DCTD: variants seen among roughly 807,000 people sequenced by gnomAD.
The protein encoded by DCTD is deoxycytidylate deaminase.
DCTD carries 23 observed loss-of-function variants against 21.0 expected under a neutral mutation model. The observed-to-expected ratio is 1.09, with a 90% CI of 0.79 to 1.55. DCTD has a LOEUF of 1.55. Ranked by LOEUF, DCTD falls within the 40% of genes most tolerant of loss-of-function variation. DCTD has a pLI of 0.00. For missense variants in DCTD, 224 were observed against 230.0 expected (o/e 0.97, Z 0.17); for synonymous variants, 71 against 81.1 (o/e 0.88, Z 0.67).
chr4:182,891,535 A>C (rs141432641), intron 5 of DCTD, 58 bp from the exon 6 acceptor site: 1 of 1,221,170 alleles, frequency 8.2e-7, no homozygotes, highest in Non-Finnish European at 1.2e-6. Context: ...CAATTTGTTT[A>C]CTTTGGCTTA....
chr4:182,914,945 C>A lies in DCTD; in HGVS notation c.222G>T (p.Lys74Asn), dbSNP rs770313616. The A allele has an allele frequency of 6.2e-7, 1 of 1,614,096 alleles. No individual in the cohort carries two copies. The highest frequency in any genetic ancestry group is 8.5e-7 in the Non-Finnish European group (1 of 1,180,052). ...TACCGTACGGGTATTTGGTGTCCAG[C>A]TTATTCTCTGCTGTCCTTCTCCAAG... ...VLPWRRTAEN[K>N]LDTKYPYVCH... The change falls in exon 3 of 6, where the codon AAG (lysine) becomes AAT (asparagine). Residue 74 changes from lysine (K) to asparagine (N), a missense_variant. Transcript: ENST00000438320.
intron 3 of DCTD, among the ~76,000 whole-genome samples, chr4:182,900,166 C>T (rs760402227): frequency 6.6e-6 from 1 of 152,062 alleles, no homozygotes; most frequent in Non-Finnish European, 1.5e-5. Context: ...AATAAAAAAA[C>T]TTAGCCAGGT....
At chr4:182,894,725 T>C (rs1397756023) in intron 3 of DCTD, 120 bp from the exon 4 acceptor site, 1 of 725,396 alleles carries the variant, frequency 1.4e-6, no homozygotes, top group South Asian at 1.6e-5. Flanking sequence ...AGTAAAAACA[T>C]TGATTAGAAA....
rs532830046 is a variant in DCTD at position 182,894,677 on chromosome 4, T to C, written c.245-72A>G. 6 of 881,822 alleles carry C rather than the reference T, an allele frequency of 6.8e-6. No individual in the cohort carries two copies. The Admixed American group carries it at 8.6e-5, about 13-fold the overall frequency. 54.6% of individuals were successfully genotyped at this position (881,822 alleles called of 1,614,324 possible). A position where few individuals can be genotyped will look rare whatever the true frequency, so the allele number is the denominator to read the frequency against. On this transcript the variant is annotated intron_variant, in intron 3 of 5. Transcript: ENST00000438320. Reference sequence around the variant, plus strand: ...GAAGAATTTACTAAGTGTTAACACATTCCATTCCCCCCTCTGAAATAACAT... The same window carrying C: ...GAAGAATTTACTAAGTGTTAACACACTCCATTCCCCCCTCTGAAATAACAT...
intron 1 of DCTD, chr4:182,916,191 G>A (rs1738693430): frequency 1.6e-5 from 3 of 181,840 alleles, no homozygotes; most frequent in Non-Finnish European, 3.1e-5. Context: ...AGATGGGACA[G>A]AAGTTATCAA....
chr4:182,915,852 G>C, intron 1 of DCTD: 1 of 1,171,418 alleles, frequency 8.5e-7, no homozygotes, highest in Non-Finnish European at 1.1e-6. Flanking sequence ...GATTTTTTAT[G>C]CCAGCCTACA....
rs141480973 is a variant in DCTD, at chr4:182,903,297, C to T, written c.245-8692G>A. On this transcript the variant is annotated intron_variant, in intron 3 of 5. Transcript: ENST00000438320. ...TCTGCCTCCCCGATCACGCTGCACC[C>T]GACAGCCTACCTGTCCTTGGCATCC... Among the ~76,000 whole-genome samples, 724 of 152,278 alleles carry T rather than the reference C, an allele frequency of 4.8e-3. 3 individuals carry two copies. Among genetic ancestry groups the T allele is most frequent in the African/African-American group, 0.016 (660 of 41,542 alleles).
chr4:182,892,497 CA>C (rs200868118), intron 5 of DCTD, among the ~76,000 whole-genome samples: 1 of 151,968 alleles, frequency 6.6e-6, no homozygotes, highest in Non-Finnish European at 1.5e-5. Flanking sequence ...ACTGAAAGTA[CA>C]AAAAAATTAG....
chr4:182,897,583 GA>G (rs1734967207), intron 3 of DCTD, among the ~76,000 whole-genome samples: 1 of 151,892 alleles, frequency 6.6e-6, no homozygotes, highest in South Asian at 2.1e-4. Context: ...GTACACATGA[GA>G]CTCTAAAAGG....
chr4:182,903,995 G>GC (rs1369002573), intron 3 of DCTD, among the ~76,000 whole-genome samples: 1 of 152,148 alleles, frequency 6.6e-6, no homozygotes, highest in Non-Finnish European at 1.5e-5. Flanking sequence ...TCCCACGTGT[G>GC]CCCACCTGAG....
At chr4:182,915,658 C>G (rs1470309106) in intron 1 of DCTD, 83 bp from the exon 2 acceptor site, 1 of 978,000 alleles carries the variant, frequency 1.0e-6, no homozygotes, top group Admixed American at 1.7e-5. Context: ...CCACACTGAA[C>G]CTTTAAATCT....
intron 3 of DCTD, among the ~76,000 whole-genome samples, chr4:182,910,653 T>C (rs1332950145): frequency 1.3e-5 from 2 of 152,234 alleles, no homozygotes; most frequent in Non-Finnish European, 2.9e-5. Flanking sequence ...CATTGCCTTC[T>C]TCCTGCCACT....
At chr4:182,913,457 G>A (rs1472569611) in intron 3 of DCTD, among the ~76,000 whole-genome samples, 1 of 152,180 alleles carries the variant, frequency 6.6e-6, no homozygotes, top group Non-Finnish European at 1.5e-5. Flanking sequence ...GTTGCCCCTA[G>A]GCAATTTAGA....
intron 3 of DCTD, among the ~76,000 whole-genome samples, chr4:182,910,660 C>G (rs1355450954): frequency 6.6e-6 from 1 of 152,156 alleles, no homozygotes; most frequent in Non-Finnish European, 1.5e-5. Flanking sequence ...TTCTTCCTGC[C>G]ACTTAATGTT....
chr4:182,914,068 C>T (rs185436116), intron 3 of DCTD, among the ~76,000 whole-genome samples: 112 of 152,232 alleles, frequency 7.4e-4, no homozygotes, highest in African/African-American at 2.6e-3. Flanking sequence ...AGTGCAGTGG[C>T]GCAGTCTTGG....
chr4:182,909,556 A>G lies in DCTD; in HGVS notation c.244+5367T>C, dbSNP rs1737313145. On this transcript the variant is annotated intron_variant, in intron 3 of 5. Coordinates refer to ENST00000438320, the MANE Select transcript of DCTD (RefSeq NM_001921.3). The stretch of plus-strand genomic sequence containing the variant: ...AATTAAATTCTGCAGGAAAAGAAAC[A>G]GCAAGTTATCAAATTCATGGACTGA... Among the ~76,000 whole-genome samples the G allele has an allele frequency of 2.6e-5, 4 of 152,362 alleles. No individual in the cohort carries two copies. The South Asian group carries it at 8.3e-4, about 32-fold the overall frequency.
At chr4:182,895,692 C>G (rs79253762) in intron 3 of DCTD, among the ~76,000 whole-genome samples, 1 of 152,190 alleles carries the variant, frequency 6.6e-6, no homozygotes, top group Non-Finnish European at 1.5e-5. Context: ...CGTCTTGTAT[C>G]GTTACTGAAT....
intron 5 of DCTD, among the ~76,000 whole-genome samples, chr4:182,892,045 C>T (rs1314752100): frequency 7.1e-6 from 1 of 140,772 alleles, no homozygotes; most frequent in Admixed American, 7.5e-5. Flanking sequence ...GGGAACAAAA[C>T]AAATTCTTTT....
At chr4:182,898,495 T>C (rs955659781) in intron 3 of DCTD, among the ~76,000 whole-genome samples, 1 of 152,212 alleles carries the variant, frequency 6.6e-6, no homozygotes, top group Non-Finnish European at 1.5e-5. Context: ...CTTTGCTTTT[T>C]TCCTAAGGTT....
Sources: gnomAD v4.1 joint callset for allele counts (sites outside exome capture counted in the v4.1 genomes callset) on GRCh38, gnomAD v4.1.1 for gene constraint, MANE v1.5 for transcripts, NCBI Gene and HGNC (gene_info 2026-07-23, HGNC 2026-07-21) for gene names.